Variants in TPX2 observed in about 807,000 individuals in gnomAD.
The protein encoded by TPX2 is targeting protein for Xklp2.
TPX2 carries 21 observed loss-of-function variants against 93.6 expected under a neutral mutation model. The observed-to-expected ratio is 0.22, with a 90% CI of 0.16 to 0.32. The LOEUF is 0.32. Among genes scored for constraint, TPX2 ranks in the 10% least tolerant of loss-of-function variants. TPX2 has a pLI of 1.00. For synonymous variants in TPX2, 281 were observed against 298.3 expected, an observed-to-expected ratio of 0.94 and a Z score of 0.60; for missense variants, 776 against 871.1, an observed-to-expected ratio of 0.89 and a Z score of 1.37.
chr20:31,763,021 C>T (rs1373828766), intron 4 of TPX2, among the ~76,000 whole-genome samples: 1 of 152,066 alleles, frequency 6.6e-6, no homozygotes, highest in Non-Finnish European at 1.5e-5. Context: ...TATCCTATTC[C>T]ATTTGTCTGT....
Position 31,770,400 on chromosome 20 carries a change from A to G in TPX2, c.414A>G (p.Val138=), listed in dbSNP as rs547580552. 1.2e-6 allele frequency: 2 copies of G among 1,606,656 alleles called. No individual in the cohort carries two copies. Among genetic ancestry groups the G allele is most frequent in the Non-Finnish European group, 8.5e-7 (1 of 1,176,002 alleles). The change falls in exon 6 of 18, where the codon GTA becomes GTG. Residue 138 remains valine, a synonymous_variant. Transcript: ENST00000300403. The part of the protein sequence containing the change: ...KDLEQKEKHH[V]KMKAKRCATP... ...TGGAACAGAAAGAAAAGCATCATGT[A>G]AAAATGAAAGCCAAGAGATGTGCCA...
intron 6 of TPX2, 64 bp from the exon 7 acceptor site, chr20:31,771,496 G>A: frequency 1.3e-6 from 2 of 1,552,700 alleles, no homozygotes; most frequent in Non-Finnish European, 1.7e-6. Flanking sequence ...GTAGATTTGG[G>A]GAGGAGGGTA....
chr20:31,756,480 A>C (rs2061852927), intron 2 of TPX2, among the ~76,000 whole-genome samples: 1 of 152,216 alleles, frequency 6.6e-6, no homozygotes, highest in South Asian at 2.1e-4. Flanking sequence ...ATTGGGCTAG[A>C]GGAGGCTAGA....
chr20:31,778,105 T>C (rs1485846895), intron 9 of TPX2, among the ~76,000 whole-genome samples: 1 of 152,070 alleles, frequency 6.6e-6, no homozygotes, highest in African/African-American at 2.4e-5. Context: ...AAAAATAGGG[T>C]TGGGGCAGAC....
chr20:31,785,462 A>G (rs959410570), intron 12 of TPX2, among the ~76,000 whole-genome samples: 6 of 151,930 alleles, frequency 3.9e-5, no homozygotes, highest in African/African-American at 4.8e-5. Context: ...CAGGGTTTCT[A>G]TAACACTCTT....
At chr20:31,776,638 G>T (rs1483561999) in intron 8 of TPX2, among the ~76,000 whole-genome samples, 1 of 151,598 alleles carries the variant, frequency 6.6e-6, no homozygotes, top group African/African-American at 2.4e-5. Context: ...CAATTCTCCT[G>T]TTTCAGCCTC....
intron 5 of TPX2, among the ~76,000 whole-genome samples, chr20:31,767,965 T>C (rs1295462385): frequency 6.6e-6 from 1 of 151,544 alleles, no homozygotes; most frequent in African/African-American, 2.4e-5. Context: ...AGGGTCTTGC[T>C]CTGTTGCCCA....
chr20:31,756,913 C>G (rs1486792518), intron 2 of TPX2, among the ~76,000 whole-genome samples: 1 of 152,216 alleles, frequency 6.6e-6, no homozygotes, highest in African/African-American at 2.4e-5. Context: ...AGGCGTGAGC[C>G]ACTGCTCCTG....
intron 13 of TPX2, 113 bp from the exon 14 acceptor site, chr20:31,793,735 T>A: frequency 1.1e-5 from 12 of 1,083,950 alleles, no homozygotes; most frequent in Non-Finnish European, 1.4e-5. Context: ...AAGACTTCCT[T>A]TAATTTTGTT....
intron 11 of TPX2, among the ~76,000 whole-genome samples, chr20:31,782,899 C>T (rs1033143160): frequency 3.1e-4 from 37 of 117,636 alleles, no homozygotes; most frequent in South Asian, 5.0e-4. Flanking sequence ...TACACACACA[C>T]ACACACACAC....
rs995659709 is a variant in TPX2 at position 31,750,023 on chromosome 20, C to T, written c.-71+7376C>T. Reference sequence around the variant, plus strand: ...CACGATCTTGGCTCACTGGAACCTCCTCCTCCCGGGTTCAAGCTATTCTCC... The same window carrying T: ...CACGATCTTGGCTCACTGGAACCTCTTCCTCCCGGGTTCAAGCTATTCTCC... On this transcript the variant is annotated intron_variant, in intron 2 of 17. Coordinates refer to ENST00000300403, the MANE Select transcript of TPX2 (RefSeq NM_012112.5). Among the ~76,000 whole-genome samples, 27 of 151,912 alleles carry T rather than the reference C, an allele frequency of 1.8e-4. 1 individual carries two copies. The East Asian group carries it at 4.3e-3, about 24-fold the overall frequency.
At chr20:31,745,025 T>G (rs1027305028) in intron 2 of TPX2, among the ~76,000 whole-genome samples, 2 of 152,088 alleles carry the variant, frequency 1.3e-5, no homozygotes, top group African/African-American at 2.4e-5. Flanking sequence ...AGGTGGAGGT[T>G]GCAGTGAGCC....
intron 1 of TPX2, among the ~76,000 whole-genome samples, chr20:31,741,931 A>G (rs1324111462): frequency 2.0e-5 from 3 of 151,870 alleles, no homozygotes; most frequent in African/African-American, 7.3e-5. Flanking sequence ...AGATTTCATA[A>G]CCCAAGCGAT....
In TPX2 at chr20:31,794,965, C is replaced by T. The variant is rs376118226; in HGVS notation, c.1833+417C>T. 4.0e-5 allele frequency among the ~76,000 whole-genome samples: 6 copies of T among 151,730 alleles called. No individual in the cohort carries two copies. In the East Asian group the frequency reaches 1.2e-3, roughly 30 times the overall value. On this transcript the variant is annotated intron_variant, in intron 15 of 17. Coordinates refer to ENST00000300403, the MANE Select transcript of TPX2 (RefSeq NM_012112.5). The stretch of plus-strand genomic sequence containing the variant: ...CCTCCTGAGTAGCTGGGACTACAGA[C>T]GCCCACCACCAAGCCTGGCTAATTT...
chr20:31,762,034 C>A (rs1364632712), intron 4 of TPX2, among the ~76,000 whole-genome samples: 1 of 152,030 alleles, frequency 6.6e-6, no homozygotes, highest in African/African-American at 2.4e-5. Flanking sequence ...TTTCACATAC[C>A]TGTTTGCCAT....
chr20:31,755,886 G>A (rs2061848733), intron 2 of TPX2, among the ~76,000 whole-genome samples: 3 of 152,170 alleles, frequency 2.0e-5, no homozygotes, highest in Admixed American at 6.5e-5. Context: ...GGCTTGAGTA[G>A]GAGCTGACTT....
chr20:31,800,184 A>G lies in TPX2; in HGVS notation c.2134-786A>G, dbSNP rs1272971057. 5.9e-5 allele frequency among the ~76,000 whole-genome samples: 9 copies of G among 152,172 alleles called. No homozygotes were observed. The East Asian group carries it at 1.7e-3, about 29-fold the overall frequency. ...CATAGGAAGGTTCCACGGACACACT[A>G]TTTAGGAGACCAGCCTCTTGGTAAA... is the stretch of plus-strand genomic sequence containing the variant. On this transcript the variant is annotated intron_variant, in intron 17 of 17. Transcript: ENST00000300403.
intron 7 of TPX2, among the ~76,000 whole-genome samples, chr20:31,775,102 G>C (rs2061987742): frequency 6.6e-6 from 1 of 151,848 alleles, no homozygotes. Context: ...TAGGATTACA[G>C]GTGCCTGCCA....
chr20:31,749,975 G>C (rs1398420790), intron 2 of TPX2, among the ~76,000 whole-genome samples: 1 of 151,548 alleles, frequency 6.6e-6, no homozygotes, highest in African/African-American at 2.4e-5. Context: ...GTCTTACTCT[G>C]TTGCCAGGCT....
Sources: allele counts gnomAD v4.1 joint callset (sites outside exome capture counted in the v4.1 genomes callset), GRCh38; gene constraint gnomAD v4.1.1; transcripts MANE v1.5; gene names NCBI Gene and HGNC (gene_info 2026-07-23, HGNC 2026-07-21).